Variants in GEMIN5 observed in about 807,000 individuals in gnomAD.
GEMIN5 encodes the protein gem nuclear organelle associated protein 5.
A neutral mutation model predicts 176.9 loss-of-function variants in GEMIN5; 124 were observed. The ratio of observed to expected loss-of-function variants is 0.70; its 90% CI spans 0.61 to 0.81. The LOEUF (loss-of-function observed/expected upper bound fraction) is 0.81. GEMIN5 is among the 40% of genes least tolerant of loss of function. The probability of loss-of-function intolerance (pLI) is 0.00; values close to 1 mark genes in which losing one functional copy is unlikely to be tolerated. For missense variants in GEMIN5, 1,843 were observed against 1,814.6 expected, an observed-to-expected ratio of 1.02 and a Z score of -0.28; for synonymous variants, 673 against 665.2, an observed-to-expected ratio of 1.01 and a Z score of -0.18.
chr5:154,926,401 T>C (rs1479375639), intron 7 of GEMIN5, among the ~76,000 whole-genome samples: 1 of 152,130 alleles, frequency 6.6e-6, no homozygotes, highest in Non-Finnish European at 1.5e-5. Flanking sequence ...TGGCAAACTC[T>C]AAGGAAGAAG....
chr5:154,936,719 C>T (rs1168227312), intron 2 of GEMIN5, among the ~76,000 whole-genome samples: 3 of 152,118 alleles, frequency 2.0e-5, no homozygotes, highest in Non-Finnish European at 4.4e-5. Flanking sequence ...CCATACCATG[C>T]CTGTTGCAAC....
chr5:154,896,023 C>A, intron 24 of GEMIN5, 69 bp downstream of exon 24: 2 of 1,557,858 alleles, frequency 1.3e-6, no homozygotes, highest in East Asian at 2.2e-5. Flanking sequence ...TTCCCCGTTA[C>A]AATAGACATG....
At chr5:154,901,265 C>CTT in intron 21 of GEMIN5, 74 bp downstream of exon 21, 1 of 1,386,188 alleles carries the variant, frequency 7.2e-7, no homozygotes, top group Non-Finnish European at 1.0e-6. Context: ...ATTTATGTTA[C>CTT]TTTAACAATA....
intron 16 of GEMIN5, among the ~76,000 whole-genome samples, chr5:154,906,271 C>T (rs58672004): frequency 5.6e-4 from 86 of 152,312 alleles, no homozygotes; most frequent in African/African-American, 2.0e-3. Flanking sequence ...GCTGGGATTA[C>T]AGGCATGAAC....
chr5:154,890,602 T>C (rs1305734628), intron 26 of GEMIN5, among the ~76,000 whole-genome samples: 56 of 151,946 alleles, frequency 3.7e-4, no homozygotes, highest in Non-Finnish European at 1.5e-5. Context: ...TAGCTGGGAC[T>C]ACAAGTGCAT....
chr5:154,900,670 A>G (rs1304988996), intron 21 of GEMIN5, among the ~76,000 whole-genome samples: 1 of 152,232 alleles, frequency 6.6e-6, no homozygotes, highest in East Asian at 1.9e-4. Flanking sequence ...GAAGCTGTCC[A>G]GAGAAAGACA....
chr5:154,894,209 T>A (rs1426185549), intron 24 of GEMIN5, among the ~76,000 whole-genome samples: 5 of 152,206 alleles, frequency 3.3e-5, no homozygotes, highest in African/African-American at 9.6e-5. Context: ...CCTCCCAAAG[T>A]GCTGGGATTA....
intron 6 of GEMIN5, 150 bp downstream of exon 6, chr5:154,928,377 G>A (rs1447963362): frequency 4.0e-5 from 28 of 695,772 alleles, no homozygotes; most frequent in Non-Finnish European, 6.0e-5. Context: ...TCTGTTAGTA[G>A]ATAGCACAGG....
At position 154,907,715 on chromosome 5, in the gene GEMIN5, C is replaced by T. The variant is rs777425419; in HGVS notation, c.2271G>A (p.Ser757=). 3.1e-6 allele frequency: 5 copies of T among 1,614,080 alleles called. No individual in the cohort carries two copies. The highest frequency in any genetic ancestry group is 2.2e-5 in the East Asian group (1 of 44,880). ...PTLRTPVKLE[S]IDGNEEESMK... is the part of the protein sequence containing the mutation. ...TGCTTTCTTCTTCATTTCCATCAAT[C>T]GATTCCAGCTTTACAGGAGTTCTCA... is the stretch of plus-strand genomic sequence containing the variant. The change falls in exon 16 of 28, where the codon TCG becomes TCA. Residue 757 remains serine (S), a synonymous_variant. Transcript: ENST00000285873.
At chr5:154,906,256 A>G (rs1290810788) in intron 16 of GEMIN5, among the ~76,000 whole-genome samples, 2 of 152,100 alleles carry the variant, frequency 1.3e-5, no homozygotes, top group Non-Finnish European at 2.9e-5. Context: ...TTGGCCTCCC[A>G]TAGTGCTGGG....
Position 154,891,614 on chromosome 5 carries a change from G to T in GEMIN5, c.3889C>A (p.Pro1297Thr). 1.2e-6 allele frequency: 2 copies of T among 1,614,092 alleles called. No homozygotes were observed. Among genetic ancestry groups the T allele is most frequent in the Non-Finnish European group, 1.7e-6 (2 of 1,180,016 alleles). Reference protein sequence around the residue: ...EFWWSLSRPCPNSSVWVRAGH... With the variant: ...EFWWSLSRPCTNSSVWVRAGH... ...GCCCTTACCCAGACACTGGAATTTG[G>T]GCAAGGTCTGGAGAGAGACCACCAG... Residue 1297 changes from proline to threonine, a missense_variant, in exon 26 of 28, where the codon CCA becomes ACA. Transcript: ENST00000285873.
chr5:154,901,245 T>G, intron 21 of GEMIN5, 94 bp downstream of exon 21: 1 of 1,185,092 alleles, frequency 8.4e-7, no homozygotes, highest in African/African-American at 1.5e-5. Flanking sequence ...GCAGGAGGAC[T>G]GTTTCTTCTA....
At chr5:154,925,825 A>G in intron 8 of GEMIN5, 37 bp downstream of exon 8, 1 of 1,217,678 alleles carries the variant, frequency 8.2e-7, no homozygotes, top group Non-Finnish European at 1.2e-6. Context: ...TTTGGAAAAA[A>G]AAAAGTTCAA....
chr5:154,895,710 TTTTA>T (rs1763333974), intron 24 of GEMIN5, among the ~76,000 whole-genome samples: 1 of 152,224 alleles, frequency 6.6e-6, no homozygotes, highest in Non-Finnish European at 1.5e-5. Context: ...TTTCTAGACT[TTTTA>T]TTTTACTTTT....
rs1763179282 is a variant in GEMIN5 at position 154,889,387 on chromosome 5, C to T, written c.4293G>A (p.Leu1431=). The change falls in exon 27 of 28, where the codon CTG becomes CTA. Residue 1431 remains leucine, a synonymous_variant. Transcript: ENST00000285873. ...CKEEKNEPLS[L]PELTKRLTEA... ...CGGTAAGCCTTTTGGTTAACTCAGGCAGAGAAAGTGGCTCATTTTTTTCTT... is the reference window on the plus strand; with the variant it reads ...CGGTAAGCCTTTTGGTTAACTCAGGTAGAGAAAGTGGCTCATTTTTTTCTT... 2 of 1,609,470 alleles carry T rather than the reference C, an allele frequency of 1.2e-6. No homozygotes were observed.
At chr5:154,913,073 T>C in intron 13 of GEMIN5, 35 bp from the exon 14 acceptor site, 1 of 1,552,646 alleles carries the variant, frequency 6.4e-7, no homozygotes, top group South Asian at 1.2e-5. Flanking sequence ...CTGCTGCTAC[T>C]ACTAATAACA....
rs141889049 is a variant in GEMIN5, at chr5:154,928,577, T to C, written c.864A>G (p.Thr288=). ...DPTVKERLWL[T]LHWPSNQPTQ... ...TTGGTTGATTGCTGGGCCAATGGAG[T>C]GTCAACCAAAGGCGCTCTTTAACAG... Residue 288 remains threonine, a synonymous_variant, in exon 6 of 28, where the codon ACA becomes ACG. Transcript: ENST00000285873. The C allele has an allele frequency of 3.1e-6, 5 of 1,613,812 alleles. No homozygotes were observed. Among genetic ancestry groups the C allele is most frequent in the Non-Finnish European group, 4.2e-6 (5 of 1,179,776 alleles).
At chr5:154,930,393 AG>A (rs1764136841) in intron 5 of GEMIN5, among the ~76,000 whole-genome samples, 1 of 152,256 alleles carries the variant, frequency 6.6e-6, no homozygotes, top group Non-Finnish European at 1.5e-5. Flanking sequence ...AGAATTAAAA[AG>A]AAAGTTTTAT....
At position 154,899,216 on chromosome 5, in the gene GEMIN5, C is replaced by T. The variant is rs750911283; in HGVS notation, c.3109G>A (p.Gly1037Ser). ...LSWGTVLERD[G>S]HYAVAAKCYL... ...CATTTGGCAGCTACAGCATAGTGGC[C>T]ATCTCTTTCTAGGACGGTTCCCCAG... The change falls in exon 22 of 28, where the codon GGC (glycine) becomes AGC (serine). Residue 1037 changes from glycine to serine, a missense_variant. Gly to Ser is a moderately conservative substitution (Grantham distance 56). Coordinates refer to ENST00000285873, the MANE Select transcript of GEMIN5 (RefSeq NM_015465.5). 3.7e-6 allele frequency: 6 copies of T among 1,612,434 alleles called. No homozygotes were observed. The highest frequency in any genetic ancestry group is 3.4e-6 in the Non-Finnish European group (4 of 1,179,276).
Sources: gnomAD v4.1 joint callset for allele counts (sites outside exome capture counted in the v4.1 genomes callset) on GRCh38, gnomAD v4.1.1 for gene constraint, MANE v1.5 for transcripts, NCBI Gene and HGNC (gene_info 2026-07-23, HGNC 2026-07-21) for gene names.